Variants in TMEM229B observed in about 807,000 individuals in gnomAD.
TMEM229B encodes transmembrane protein 229B.
Under a neutral mutation model 13.7 loss-of-function variants are expected in TMEM229B, and 6 were observed. The ratio of observed to expected loss-of-function variants is 0.44; its 90% CI spans 0.24 to 0.86. The LOEUF is 0.86. Among genes scored for constraint, TMEM229B ranks in the 40% least tolerant of loss-of-function variants. The probability of loss-of-function intolerance (pLI) is 0.23; values close to 1 mark genes in which losing one functional copy is unlikely to be tolerated. For missense variants in TMEM229B, 170 were observed against 236.0 expected (o/e 0.72, Z 1.83); for synonymous variants, 107 against 102.1 (o/e 1.05, Z -0.29).
At chr14:67,515,953 C>G (rs1001575153), upstream of TMEM229B, among the ~76,000 whole-genome samples, 1 of 152,220 alleles carries the variant, frequency 6.6e-6, no homozygotes, top group Non-Finnish European at 1.5e-5. Flanking sequence ...GCTTGAACTT[C>G]TAAGGCTCAC....
chr14:67,527,938 G>A (rs909318072), intron 1 of TMEM229B, among the ~76,000 whole-genome samples: 6 of 152,174 alleles, frequency 3.9e-5, no homozygotes, highest in African/African-American at 1.4e-4. Context: ...GGAGCATGAA[G>A]AGGCCCTCCA....
intron 1 of TMEM229B, among the ~76,000 whole-genome samples, chr14:67,513,254 A>G (rs1045153275): frequency 1.3e-5 from 2 of 152,192 alleles, no homozygotes; most frequent in African/African-American, 4.8e-5. Context: ...AGCTTGGGAC[A>G]AACCAATAAA....
intron 1 of TMEM229B, among the ~76,000 whole-genome samples, chr14:67,496,170 C>CA (rs1018375103): frequency 9.2e-5 from 14 of 152,208 alleles, no homozygotes; most frequent in Non-Finnish European, 2.9e-5. Flanking sequence ...GCCTGGGTGA[C>CA]AGAGTGTGAC....
chr14:67,473,974 C>A lies in TMEM229B; in HGVS notation c.-18-33G>T. 1.3e-6 allele frequency: 2 copies of A among 1,535,480 alleles called. No homozygotes were observed. Among genetic ancestry groups the A allele is most frequent in the Non-Finnish European group, 1.7e-6 (2 of 1,142,900 alleles). ...GGGCGCAAGAGAGACAGGTGAGGGCCGGGCGCGGTGGCTCACGCCTATAAT... is the reference window on the plus strand; with the variant it reads ...GGGCGCAAGAGAGACAGGTGAGGGCAGGGCGCGGTGGCTCACGCCTATAAT... On this transcript the variant is annotated intron_variant, in intron 2 of 2. Coordinates refer to ENST00000554480, the MANE Select transcript of TMEM229B (RefSeq NM_001348543.2). This position sits in a 1 kb window ranked among gnomAD's most constrained non-coding sequence, Gnocchi z 6.5.
intron 1 of TMEM229B, among the ~76,000 whole-genome samples, chr14:67,522,162 G>A (rs1011530373): frequency 2.6e-5 from 4 of 152,100 alleles, no homozygotes; most frequent in African/African-American, 4.8e-5. Context: ...GACGGAGTGA[G>A]ACTCCGTCTC....
chr14:67,514,265 G>A (rs1451043919), intron 1 of TMEM229B, among the ~76,000 whole-genome samples: 1 of 152,152 alleles, frequency 6.6e-6, no homozygotes, highest in Non-Finnish European at 1.5e-5. Flanking sequence ...AAAAGAGACA[G>A]TCCCCGGGAA....
At chr14:67,533,713 A>G (rs2033570573) in exon 1 of TMEM229B, 1 of 151,972 alleles carries the variant, frequency 6.6e-6, no homozygotes, top group Non-Finnish European at 1.5e-5. Flanking sequence ...CCACCTTGCT[A>G]TCGGTGCTCG....
At chr14:67,509,509 G>A (rs545477231) in intron 1 of TMEM229B, among the ~76,000 whole-genome samples, 5 of 152,178 alleles carry the variant, frequency 3.3e-5, no homozygotes, top group African/African-American at 1.2e-4. Flanking sequence ...AGTAGAGATG[G>A]GGTTTCACCA....
At chr14:67,492,721 AAAC>A (rs2032218903), upstream of TMEM229B, among the ~76,000 whole-genome samples, 1 of 152,240 alleles carries the variant, frequency 6.6e-6, no homozygotes, top group East Asian at 1.9e-4. Flanking sequence ...AGAGATTTCT[AAAC>A]AACAAGGGAA....
intron 1 of TMEM229B, among the ~76,000 whole-genome samples, chr14:67,522,092 G>A (rs8011307): frequency 0.36 from 54,292 of 152,122 alleles, 10,596 homozygotes; most frequent in Middle Eastern, 0.45. Flanking sequence ...AGAATCGCTT[G>A]AACCCGGGAG....
intron 1 of TMEM229B, among the ~76,000 whole-genome samples, chr14:67,497,391 C>T (rs1412443689): frequency 6.6e-6 from 1 of 152,088 alleles, no homozygotes; most frequent in Non-Finnish European, 1.5e-5. Context: ...GCAGGTATCC[C>T]AGTCCTGGGC....
chr14:67,487,912 C>T (rs576809358), intron 1 of TMEM229B, among the ~76,000 whole-genome samples: 3 of 152,338 alleles, frequency 2.0e-5, no homozygotes, highest in African/African-American at 7.2e-5. Context: ...GCGTGAGCCA[C>T]TGTGCCTGGC....
upstream of TMEM229B, among the ~76,000 whole-genome samples, chr14:67,491,791 A>C (rs1321668741): frequency 6.6e-6 from 1 of 152,210 alleles, no homozygotes. Flanking sequence ...TACACCAAGG[A>C]GGGGCCAAGC....
intron 1 of TMEM229B, among the ~76,000 whole-genome samples, chr14:67,512,436 G>C (rs138020060): frequency 1.1e-4 from 17 of 152,300 alleles, no homozygotes; most frequent in Non-Finnish European, 2.2e-4. Context: ...GGGAGCTAAG[G>C]CTTTGCCAGG....
intron 1 of TMEM229B, among the ~76,000 whole-genome samples, chr14:67,502,299 C>A (rs1304247884): frequency 6.0e-5 from 9 of 151,260 alleles, no homozygotes; most frequent in Non-Finnish European, 1.3e-4. Context: ...CCATTGTACT[C>A]CAGCCTGGGC....
chr14:67,483,141 G>T (rs181710183), intron 2 of TMEM229B, among the ~76,000 whole-genome samples: 2 of 152,186 alleles, frequency 1.3e-5, no homozygotes, highest in Admixed American at 6.5e-5. Context: ...CTCCCAAGAG[G>T]CTGGGATTAT....
intron 1 of TMEM229B, among the ~76,000 whole-genome samples, chr14:67,512,206 A>C (rs2033051538): frequency 1.3e-5 from 2 of 152,354 alleles, no homozygotes; most frequent in East Asian, 1.9e-4. Flanking sequence ...GACAACTCTC[A>C]GTGGGACTCA....
Position 67,473,423 on chromosome 14 carries a change from G to T in TMEM229B, c.501C>A (p.Asp167Glu). ...AGGCCCCCCACCCGCTTCCTGCTCAGTCAGTCTTGACATGGCCGTTGGCCA... is the reference window on the plus strand; with the variant it reads ...AGGCCCCCCACCCGCTTCCTGCTCATTCAGTCTTGACATGGCCGTTGGCCA... ...LALANGHVKT[D>E] is the part of the protein sequence containing the mutation. The change falls in exon 3 of 3, where the codon GAC becomes GAA. Residue 167 changes from aspartate to glutamate, a missense_variant. This residue lies in a region of TMEM229B where 70 missense variants were observed against 60.9 expected (regional missense o/e 1.15). Transcript: ENST00000554480. The surrounding 1 kb of genome is among the most constrained non-coding windows in gnomAD (Gnocchi z 6.5). 6.2e-7 allele frequency: 1 copy of T among 1,613,106 alleles called. No individual in the cohort carries two copies. Among genetic ancestry groups the T allele is most frequent in the African/African-American group, 1.3e-5 (1 of 75,038 alleles).
intron 1 of TMEM229B, among the ~76,000 whole-genome samples, chr14:67,524,670 G>A (rs576319143): frequency 1.3e-4 from 20 of 152,290 alleles, no homozygotes; most frequent in Non-Finnish European, 2.6e-4. Context: ...ACTTAACTCT[G>A]TCCCCAGACT....
Sources: allele counts gnomAD v4.1 joint callset (sites outside exome capture counted in the v4.1 genomes callset), GRCh38; gene constraint gnomAD v4.1.1; regional missense constraint gnomAD v4.1.1; non-coding constraint Gnocchi (gnomAD v3.1); transcripts MANE v1.5; gene names NCBI Gene and HGNC (gene_info 2026-07-23, HGNC 2026-07-21).